GFRA2: variants seen among roughly 807,000 people sequenced by gnomAD.
GFRA2 encodes GDNF family receptor alpha 2, also known as GDNF family receptor alpha-2.
In GFRA2, 17 loss-of-function variants were observed where a neutral mutation model predicts 48.3. The ratio of observed to expected loss-of-function variants is 0.35; its 90% CI spans 0.24 to 0.53. The LOEUF (loss-of-function observed/expected upper bound fraction) is 0.53, where lower values mean the gene tolerates loss of function less well. GFRA2 is among the 20% of genes least tolerant of loss of function. The pLI is 0.93. For synonymous variants in GFRA2, 305 were observed against 257.2 expected, an observed-to-expected ratio of 1.19 and a Z score of -1.78; for missense variants, 660 against 637.3, an observed-to-expected ratio of 1.04 and a Z score of -0.38.
At chr8:21,761,158 T>C (rs1413671473) in intron 3 of GFRA2, among the ~76,000 whole-genome samples, 11 of 152,102 alleles carry the variant, frequency 7.2e-5, no homozygotes, top group Admixed American at 7.2e-4. Flanking sequence ...CCACACCTCA[T>C]GCTGGATGTG....
chr8:21,713,108 T>A (rs1214793505), intron 4 of GFRA2, among the ~76,000 whole-genome samples: 3 of 152,076 alleles, frequency 2.0e-5, no homozygotes, highest in African/African-American at 7.2e-5. Context: ...GAGAGCCAGT[T>A]TTTCTTTTTT....
At chr8:21,791,406 AC>A (rs2117101905), upstream of GFRA2, among the ~76,000 whole-genome samples, 1 of 152,170 alleles carries the variant, frequency 6.6e-6, no homozygotes, top group Non-Finnish European at 1.5e-5. Context: ...GGGCACTCTG[AC>A]CTTGGACCCT....
chr8:21,788,229 CAAT>C lies in GFRA2; in HGVS notation c.-73_-71del, dbSNP rs1310892768. ...AAAAAAATAATAGTAGTAACAACAA[CAAT>C]AATAATAGGCAAGCAGTGGTAATCA... On this transcript the variant is annotated 5_prime_UTR_variant, in exon 1 of 9. Coordinates refer to ENST00000524240, the MANE Select transcript of GFRA2 (RefSeq NM_001495.5). 5.7e-6 allele frequency: 9 copies of C among 1,578,200 alleles called. No individual in the cohort carries two copies. The highest frequency in any genetic ancestry group is 6.9e-6 in the Non-Finnish European group (8 of 1,163,234).
chr8:21,809,395 G>A (rs1409879024), intron 1 of GFRA2, among the ~76,000 whole-genome samples: 2 of 152,216 alleles, frequency 1.3e-5, no homozygotes, highest in Non-Finnish European at 2.9e-5. Context: ...CGCGATCTCA[G>A]CTCACGGCAA....
At chr8:21,774,939 G>A (rs1806622207) in intron 3 of GFRA2, 33 bp downstream of exon 3, 2 of 1,236,006 alleles carry the variant, frequency 1.6e-6, no homozygotes, top group Non-Finnish European at 1.2e-6. Flanking sequence ...GACGAGAGGA[G>A]AACGGGCCAA....
intron 2 of GFRA2, among the ~76,000 whole-genome samples, chr8:21,775,533 T>C (rs937212162): frequency 1.3e-5 from 2 of 152,218 alleles, no homozygotes; most frequent in African/African-American, 4.8e-5. Context: ...CAGCTACTCC[T>C]GGAAGGGCCA....
At chr8:21,716,494 T>C (rs1290059605) in intron 4 of GFRA2, among the ~76,000 whole-genome samples, 2 of 152,158 alleles carry the variant, frequency 1.3e-5, no homozygotes, top group Middle Eastern at 3.4e-3. Context: ...TGCAGGAGTG[T>C]TGGAGTAGGC....
chr8:21,807,933 T>C (rs1174266900), intron 1 of GFRA2, among the ~76,000 whole-genome samples: 2 of 152,212 alleles, frequency 1.3e-5, no homozygotes, highest in Non-Finnish European at 2.9e-5. Flanking sequence ...ACTATGCAGA[T>C]GCAGATTGGA....
chr8:21,780,180 A>C (rs1806910063), intron 2 of GFRA2, among the ~76,000 whole-genome samples: 1 of 151,158 alleles, frequency 6.6e-6, no homozygotes, highest in Non-Finnish European at 1.5e-5. Flanking sequence ...GCTCCTCCCT[A>C]GCCAGGCTCC....
At chr8:21,694,091 A>ATATATATATATATATATATATAT (rs1802035893) in intron 8 of GFRA2, among the ~76,000 whole-genome samples, 1 of 139,754 alleles carries the variant, frequency 7.2e-6, no homozygotes, top group Non-Finnish European at 1.6e-5. Context: ...ATATATATAT[A>ATATATATATATATATATATATAT]TTTCCTATAG....
chr8:21,703,096 G>T, intron 6 of GFRA2, 119 bp from the exon 7 acceptor site: 1 of 601,636 alleles, frequency 1.7e-6, no homozygotes, highest in Non-Finnish European at 2.8e-6. Flanking sequence ...CAGAAGCCAG[G>T]ACAGGGCATA....
chr8:21,727,626 C>T (rs530575791), intron 4 of GFRA2, among the ~76,000 whole-genome samples: 55 of 152,290 alleles, frequency 3.6e-4, no homozygotes, highest in African/African-American at 1.1e-3. Context: ...AGGCATGCTC[C>T]GGACCAGGGT....
intron 4 of GFRA2, among the ~76,000 whole-genome samples, chr8:21,707,832 A>C (rs527658522): frequency 6.6e-6 from 1 of 152,210 alleles, no homozygotes; most frequent in Non-Finnish European, 1.5e-5. Context: ...TGACTTATAC[A>C]CTTACATGGT....
upstream of GFRA2, among the ~76,000 whole-genome samples, chr8:21,791,214 G>C (rs922783258): frequency 1.1e-4 from 16 of 152,116 alleles, no homozygotes; most frequent in African/African-American, 3.1e-4. Flanking sequence ...CCAGAAAATG[G>C]GGCTGAGAAA....
At chr8:21,703,049 A>T in intron 6 of GFRA2, 72 bp from the exon 7 acceptor site, 3 of 965,506 alleles carry the variant, frequency 3.1e-6, no homozygotes, top group Non-Finnish European at 4.5e-6. Flanking sequence ...TGCTCCTCAC[A>T]CTCTTCACCC....
chr8:21,781,061 G>A, intron 2 of GFRA2: 1 of 152,150 alleles, frequency 6.6e-6, no homozygotes, highest in Admixed American at 6.5e-5. Context: ...AGGAGTTTGG[G>A]ACCAGCCTGC....
intron 2 of GFRA2, among the ~76,000 whole-genome samples, chr8:21,781,870 G>C (rs1432167887): frequency 2.0e-5 from 3 of 152,258 alleles, no homozygotes; most frequent in African/African-American, 7.2e-5. Flanking sequence ...TGTTATTGGC[G>C]GGGGGACTTA....
rs989360686 is a variant in GFRA2 at position 21,691,315 on chromosome 8, GACAC to G, written c.*1959_*1962del. 6.6e-6 allele frequency: 1 copy of G among 152,182 alleles called. No homozygotes were observed. The highest frequency in any genetic ancestry group is 2.1e-4 in the South Asian group (1 of 4,816). 9.4% of individuals were successfully genotyped at this position (152,182 alleles called of 1,614,324 possible). On this transcript the variant is annotated 3_prime_UTR_variant, in exon 9 of 9. Transcript: ENST00000524240. ...ACATGTACACATGCTCACATACATG[GACAC>G]ACACACACTTGGCCAGCAGGCATTC...
chr8:21,787,892 G>A (rs1274197401), intron 1 of GFRA2, among the ~76,000 whole-genome samples: 1 of 152,118 alleles, frequency 6.6e-6, no homozygotes, highest in Non-Finnish European at 1.5e-5. Flanking sequence ...TGGTTCGGAT[G>A]TTGAGTCTCC....
Sources: allele counts gnomAD v4.1 joint callset (sites outside exome capture counted in the v4.1 genomes callset), GRCh38; gene constraint gnomAD v4.1.1; transcripts MANE v1.5; gene names NCBI Gene and HGNC (gene_info 2026-07-23, HGNC 2026-07-21).